Variants in CBLB observed in about 807,000 individuals in gnomAD.
CBLB encodes the protein E3 ubiquitin-protein ligase CBL-B.
A neutral mutation model predicts 104.9 loss-of-function variants in CBLB; 31 were observed. The ratio of observed to expected loss-of-function variants is 0.30; its 90% CI spans 0.22 to 0.40. The LOEUF (loss-of-function observed/expected upper bound fraction) is 0.40, where lower values mean the gene tolerates loss of function less well. Among genes scored for constraint, CBLB ranks in the 10% least tolerant of loss-of-function variants. The pLI, the probability that CBLB is intolerant of heterozygous loss-of-function variation, is 1.00. For synonymous variants in CBLB, 440 were observed against 422.6 expected, an observed-to-expected ratio of 1.04 and a Z score of -0.51; for missense variants, 1,062 against 1,214.6, an observed-to-expected ratio of 0.87 and a Z score of 1.87.
intron 14 of CBLB, among the ~76,000 whole-genome samples, chr3:105,683,559 G>GA (rs2066591734): frequency 2.0e-5 from 3 of 151,368 alleles, no homozygotes; most frequent in Non-Finnish European, 2.9e-5. Context: ...ATCCAGCAAT[G>GA]AAAAAAAATA....
intron 3 of CBLB, among the ~76,000 whole-genome samples, chr3:105,779,418 T>G (rs991250643): frequency 6.6e-6 from 1 of 152,186 alleles, no homozygotes; most frequent in East Asian, 1.9e-4. Context: ...TTGCACAAAA[T>G]AAGGCAATGA....
rs181621479 is a variant in CBLB at position 105,679,504 on chromosome 3, G to A, written c.2429-933C>T. On this transcript the variant is annotated intron_variant, in intron 16 of 18. Coordinates refer to ENST00000394030, the MANE Select transcript of CBLB (RefSeq NM_170662.5). ...TATTTAAAGAAAAATGAGGCTTGACGTGGTGGCTCATGTCTGTAATCCCAG... is the reference window on the plus strand; with the variant it reads ...TATTTAAAGAAAAATGAGGCTTGACATGGTGGCTCATGTCTGTAATCCCAG... Among the ~76,000 whole-genome samples the A allele has an allele frequency of 3.2e-4, 49 of 152,200 alleles. 2 individuals carry two copies. In the East Asian group the frequency reaches 7.7e-3, roughly 24 times the overall value.
At chr3:105,693,712 T>C (rs958497050) in intron 12 of CBLB, 124 bp from the exon 13 acceptor site, 10 of 710,482 alleles carry the variant, frequency 1.4e-5, no homozygotes, top group Non-Finnish European at 2.3e-5. Flanking sequence ...TGAAATGTCA[T>C]ACAATTTATT....
In CBLB at chr3:105,751,504, G is replaced by A. The variant is rs759643690; in HGVS notation, c.681C>T (p.Tyr227=). The A allele has an allele frequency of 9.3e-6, 15 of 1,611,200 alleles. No individual in the cohort carries two copies. The highest frequency in any genetic ancestry group is 1.3e-5 in the Non-Finnish European group (15 of 1,177,602). ...KSTIDLTCND[Y]ISVFEFDIFT... ...AAATATCAAATTCAAAAACTGAAAT[G>A]TAATCATTGCAAGTTAAATCAATTG... Residue 227 remains tyrosine, a synonymous_variant, in exon 5 of 19, where the codon TAC becomes TAT. Coordinates refer to ENST00000394030, the MANE Select transcript of CBLB (RefSeq NM_170662.5).
chr3:105,668,184 TAG>T (rs1395905470), intron 18 of CBLB, among the ~76,000 whole-genome samples: 1 of 152,182 alleles, frequency 6.6e-6, no homozygotes, highest in Non-Finnish European at 1.5e-5. Context: ...TTTTATTACT[TAG>T]GTAAAAGCCA....
chr3:105,744,862 G>A (rs1340418177), intron 6 of CBLB, among the ~76,000 whole-genome samples: 1 of 152,120 alleles, frequency 6.6e-6, no homozygotes, highest in Admixed American at 6.5e-5. Context: ...CCAGGGAGTC[G>A]AAGGTTGCAG....
intron 1 of CBLB, 187 bp downstream of exon 1, chr3:105,868,549 C>G: frequency 3.0e-6 from 1 of 336,566 alleles, no homozygotes; most frequent in Non-Finnish European, 4.9e-6. Flanking sequence ...TGCCTGGACG[C>G]CCTCTCCCTC....
intron 5 of CBLB, among the ~76,000 whole-genome samples, chr3:105,750,489 ATAAG>A (rs1210849217): frequency 2.6e-5 from 4 of 152,222 alleles, no homozygotes; most frequent in Non-Finnish European, 4.4e-5. Context: ...ATATCAGAAC[ATAAG>A]TAAGCCCAGT....
At chr3:105,793,491 A>G (rs2081928766) in intron 3 of CBLB, among the ~76,000 whole-genome samples, 1 of 152,042 alleles carries the variant, frequency 6.6e-6, no homozygotes, top group African/African-American at 2.4e-5. Flanking sequence ...TAACAAAAAA[A>G]AAAAAAAAAA....
chr3:105,683,656 T>C (rs896386424), intron 14 of CBLB, among the ~76,000 whole-genome samples: 1 of 152,194 alleles, frequency 6.6e-6, no homozygotes, highest in African/African-American at 2.4e-5. Flanking sequence ...AACCGAAAAT[T>C]GTAACAACTT....
chr3:105,811,602 T>G lies in CBLB; in HGVS notation c.420-35060A>C, dbSNP rs541141646. 8.5e-5 allele frequency among the ~76,000 whole-genome samples: 13 copies of G among 152,330 alleles called. No homozygotes were observed. The South Asian group carries it at 2.7e-3, about 32-fold the overall frequency. On this transcript the variant is annotated intron_variant, in intron 3 of 18. Transcript: ENST00000394030. ...TACAGACGTTAACACTGAGGCAAACTGGGTAAAGTTTCAAAATAAAAAGCT... is the reference window on the plus strand; with the variant it reads ...TACAGACGTTAACACTGAGGCAAACGGGGTAAAGTTTCAAAATAAAAAGCT...
rs766553575 is a variant in CBLB, at chr3:105,751,470, G to A, written c.715C>T (p.Leu239=). Reference sequence around the variant, plus strand: ...AGCAAGTATAAACTTACCTGAAACAGCCTGGTAAAAATATCAAATTCAAAA... The same window carrying A: ...AGCAAGTATAAACTTACCTGAAACAACCTGGTAAAAATATCAAATTCAAAA... ...SVFEFDIFTR[L]FQPWGSILRN... The change falls in exon 5 of 19, where the codon CTG becomes TTG. Residue 239 remains leucine, a synonymous_variant. Transcript: ENST00000394030. 6.2e-7 allele frequency: 1 copy of A among 1,607,542 alleles called. No individual in the cohort carries two copies. Among genetic ancestry groups the A allele is most frequent in the Admixed American group, 1.7e-5 (1 of 59,878 alleles).
upstream of CBLB, chr3:105,869,214 G>C (rs1706751358): frequency 3.1e-6 from 2 of 642,588 alleles, no homozygotes; most frequent in African/African-American, 1.9e-5. Flanking sequence ...AGGAAGGCCC[G>C]CTCGCAGCAC....
At chr3:105,807,417 A>T (rs1339596177) in intron 3 of CBLB, among the ~76,000 whole-genome samples, 1 of 152,166 alleles carries the variant, frequency 6.6e-6, no homozygotes, top group African/African-American at 2.4e-5. Context: ...TACCAGTGAT[A>T]TTATTGCACT....
chr3:105,832,874 T>C (rs995158530), intron 3 of CBLB, among the ~76,000 whole-genome samples: 2 of 152,198 alleles, frequency 1.3e-5, no homozygotes, highest in Admixed American at 6.5e-5. Context: ...TGACAAGTAC[T>C]GGAAAGAACA....
At chr3:105,846,934 C>T (rs1379878361) in intron 3 of CBLB, among the ~76,000 whole-genome samples, 1 of 151,996 alleles carries the variant, frequency 6.6e-6, no homozygotes, top group Non-Finnish European at 1.5e-5. Flanking sequence ...ATGCTATCAA[C>T]ATTTGTATAA....
At chr3:105,798,603 G>C (rs751788573) in intron 3 of CBLB, among the ~76,000 whole-genome samples, 3 of 152,202 alleles carry the variant, frequency 2.0e-5, no homozygotes, top group Non-Finnish European at 2.9e-5. Context: ...ACACTGTTTG[G>C]TGGTAAGACA....
At chr3:105,692,342 G>A (rs1262337640) in intron 13 of CBLB, among the ~76,000 whole-genome samples, 4 of 152,226 alleles carry the variant, frequency 2.6e-5, no homozygotes, top group Non-Finnish European at 5.9e-5. Flanking sequence ...CAATTGGAGA[G>A]TCACATTAAA....
At chr3:105,716,207 C>T (rs1342352700) in intron 10 of CBLB, among the ~76,000 whole-genome samples, 1 of 152,092 alleles carries the variant, frequency 6.6e-6, no homozygotes, top group Non-Finnish European at 1.5e-5. Context: ...ATAACCACTC[C>T]TATAAGAAAA....
Sources: allele counts gnomAD v4.1 joint callset (sites outside exome capture counted in the v4.1 genomes callset), GRCh38; gene constraint gnomAD v4.1.1; transcripts MANE v1.5; gene names NCBI Gene and HGNC (gene_info 2026-07-23, HGNC 2026-07-21).